WWOX: variants seen among roughly 807,000 people sequenced by gnomAD.
WWOX encodes WW domain containing oxidoreductase.
In WWOX, 69 loss-of-function variants were observed where a neutral mutation model predicts 46.2. The ratio of observed to expected loss-of-function variants is 1.49; its 90% confidence interval spans 1.23 to 1.82. The LOEUF is 1.82. Ranked by LOEUF, WWOX falls within the 40% of genes most tolerant of loss-of-function variation. The pLI is 0.00. For missense variants in WWOX, 919 were observed against 542.6 expected (o/e 1.69, Z -6.89); for synonymous variants, 359 against 202.6 (o/e 1.77, Z -6.56).
At chr16:78,984,360 T>G (rs1440330070) in intron 8 of WWOX, among the ~76,000 whole-genome samples, 2 of 152,210 alleles carry the variant, frequency 1.3e-5, no homozygotes, top group East Asian at 3.9e-4. Context: ...AGCAAATGTT[T>G]TCTATAGAGG....
chr16:78,407,371 A>G (rs1392550082), intron 6 of WWOX, among the ~76,000 whole-genome samples: 1 of 152,184 alleles, frequency 6.6e-6, no homozygotes, highest in Non-Finnish European at 1.5e-5. Flanking sequence ...CCTTTTACAT[A>G]ACATTCCACT....
At chr16:78,910,155 T>TTG in intron 8 of WWOX, among the ~76,000 whole-genome samples, 2 of 147,350 alleles carry the variant, frequency 1.4e-5, no homozygotes. Flanking sequence ...ATGATGCTTT[T>TTG]TCTCCCTTTT....
Position 78,556,604 on chromosome 16 carries a change from C to T in WWOX, c.1056+123852C>T, listed in dbSNP as rs187908182. 1.6e-3 allele frequency among the ~76,000 whole-genome samples: 241 copies of T among 152,298 alleles called. 1 individual carries two copies. The highest frequency in any genetic ancestry group is 5.2e-3 in the African/African-American group (218 of 41,566). ...GTGCGGTGAGTTGCCGTGCCCACCA[C>T]GACTGCTGTCTGTGTTTAGGACAGA... On this transcript the variant is annotated intron_variant, in intron 8 of 8. Coordinates refer to ENST00000566780, the MANE Select transcript of WWOX (RefSeq NM_016373.4).
In WWOX at chr16:78,677,184, G is replaced by C. The variant is rs577931030; in HGVS notation, c.1056+244432G>C. Among the ~76,000 whole-genome samples, 5 of 152,204 alleles carry C rather than the reference G, an allele frequency of 3.3e-5. No individual in the cohort carries two copies. In the East Asian group the frequency reaches 9.7e-4, roughly 29 times the overall value. ...TGCTGTCCCCTGGGCAGGTGCATGAGGGGGTCCCAGGCAATCAGGCTCTTC... is the reference window on the plus strand; with the variant it reads ...TGCTGTCCCCTGGGCAGGTGCATGACGGGGTCCCAGGCAATCAGGCTCTTC... On this transcript the variant is annotated intron_variant, in intron 8 of 8. Transcript: ENST00000566780.
At chr16:78,680,821 G>C (rs1296665934) in intron 8 of WWOX, among the ~76,000 whole-genome samples, 2 of 152,064 alleles carry the variant, frequency 1.3e-5, no homozygotes, top group South Asian at 2.1e-4. Context: ...TTAAAGCTTA[G>C]TTTTATTGGC....
chr16:78,624,832 G>A (rs980317279), intron 8 of WWOX, among the ~76,000 whole-genome samples: 3 of 152,180 alleles, frequency 2.0e-5, no homozygotes, highest in African/African-American at 7.2e-5. Context: ...GAATTTGTTT[G>A]CCTAAAGGAG....
rs548631287 is a variant in WWOX, at chr16:78,277,648, C to T, written c.517-109212C>T. 7.2e-5 allele frequency among the ~76,000 whole-genome samples: 11 copies of T among 152,232 alleles called. No individual in the cohort carries two copies. In the South Asian group the frequency reaches 1.9e-3, roughly 26 times the overall value. Reference sequence around the variant, plus strand: ...GCATTTAGTTCTCTGCAAAGACAGGCGCTGCTCTCTGGCAGGGACAGCGTG... The same window carrying T: ...GCATTTAGTTCTCTGCAAAGACAGGTGCTGCTCTCTGGCAGGGACAGCGTG... On this transcript the variant is annotated intron_variant, in intron 5 of 8. Transcript: ENST00000566780.
rs575473500 is a variant in WWOX, at chr16:79,002,063, C to G, written c.1057-209545C>G. The stretch of plus-strand genomic sequence containing the variant: ...GAATTTATTGTAATGGTAAATTACA[C>G]TAATAATAATCTGGGGATGAAAACA... On this transcript the variant is annotated intron_variant, in intron 8 of 8. Transcript: ENST00000566780. 1.1e-4 allele frequency among the ~76,000 whole-genome samples: 17 copies of G among 152,120 alleles called. No individual in the cohort carries two copies. The East Asian group carries it at 3.1e-3, about 28-fold the overall frequency.
At chr16:79,085,126 A>G (rs141619570) in intron 8 of WWOX, among the ~76,000 whole-genome samples, 2,056 of 152,324 alleles carry the variant, frequency 0.013, 53 homozygotes, top group African/African-American at 0.046. Flanking sequence ...TACAATATAC[A>G]TATGTAAATA....
At chr16:78,797,568 C>T (rs2050776575) in intron 8 of WWOX, among the ~76,000 whole-genome samples, 1 of 152,092 alleles carries the variant, frequency 6.6e-6, no homozygotes, top group African/African-American at 2.4e-5. Flanking sequence ...GCTTTTTCAA[C>T]CTGGGGCTTT....
chr16:78,827,256 C>G (rs147784442), intron 8 of WWOX, among the ~76,000 whole-genome samples: 23 of 152,174 alleles, frequency 1.5e-4, no homozygotes, highest in African/African-American at 4.8e-4. Context: ...TAATTGCTCA[C>G]TGTCCAAGTG....
intron 4 of WWOX, among the ~76,000 whole-genome samples, chr16:78,115,626 T>C (rs548625317): frequency 6.6e-6 from 1 of 152,282 alleles, no homozygotes; most frequent in East Asian, 1.9e-4. Context: ...CTCTATAAAA[T>C]TGGAGAATGA....
At chr16:78,559,080 A>C (rs2044372864) in intron 8 of WWOX, among the ~76,000 whole-genome samples, 1 of 152,182 alleles carries the variant, frequency 6.6e-6, no homozygotes, top group Admixed American at 6.5e-5. Context: ...TCTGGCTTGG[A>C]GCCTAGCTTG....
At chr16:78,718,092 G>GGTTTT (rs1555522406) in intron 8 of WWOX, among the ~76,000 whole-genome samples, 2 of 139,610 alleles carry the variant, frequency 1.4e-5, no homozygotes. Context: ...GGTTCTGGTG[G>GGTTTT]TTGTATTTTT....
intron 4 of WWOX, among the ~76,000 whole-genome samples, chr16:78,131,900 C>G (rs1006535693): frequency 2.7e-5 from 4 of 146,374 alleles, no homozygotes; most frequent in Non-Finnish European, 6.0e-5. Flanking sequence ...TTTTTTTTTT[C>G]ATACTTGAGG....
At chr16:78,893,319 C>G (rs8049867) in intron 8 of WWOX, among the ~76,000 whole-genome samples, 10,169 of 152,196 alleles carry the variant, frequency 0.067, 1,155 homozygotes, top group African/African-American at 0.23. Flanking sequence ...TCGAAAAATA[C>G]CAGTCCTTTC....
At chr16:78,676,281 C>A (rs538143886) in intron 8 of WWOX, among the ~76,000 whole-genome samples, 7 of 152,120 alleles carry the variant, frequency 4.6e-5, no homozygotes, top group Non-Finnish European at 8.8e-5. Context: ...TAACCTGCTA[C>A]CATCCTCTAA....
At chr16:79,060,523 A>G (rs1452135129) in intron 8 of WWOX, among the ~76,000 whole-genome samples, 1 of 152,206 alleles carries the variant, frequency 6.6e-6, no homozygotes, top group African/African-American at 2.4e-5. Flanking sequence ...ATTATATTAG[A>G]CCAGCACTGA....
chr16:78,454,859 C>A (rs566396916), intron 8 of WWOX, among the ~76,000 whole-genome samples: 2 of 152,144 alleles, frequency 1.3e-5, no homozygotes, highest in African/African-American at 4.8e-5. Context: ...CCAACTGTTG[C>A]TTTCACCACC....
Sources: gnomAD v4.1 joint callset for allele counts (sites outside exome capture counted in the v4.1 genomes callset) on GRCh38, gnomAD v4.1.1 for gene constraint, MANE v1.5 for transcripts, NCBI Gene and HGNC (gene_info 2026-07-23, HGNC 2026-07-21) for gene names.